The following RAC2 variants were observed in gnomAD, a reference collection of about 807,000 sequenced individuals.
The protein encoded by RAC2 is ras-related C3 botulinum toxin substrate 2.
In RAC2, 1 loss-of-function variant was observed where a neutral mutation model predicts 24.0. The ratio of observed to expected loss-of-function variants is 0.04; its 90% CI spans 0.01 to 0.20. RAC2 has a LOEUF of 0.20. Ranked by LOEUF, RAC2 falls within the 10% of genes least tolerant of loss-of-function variation. The pLI, the probability that RAC2 is intolerant of heterozygous loss-of-function variation, is 1.00. For synonymous variants in RAC2, 114 were observed against 106.8 expected, an observed-to-expected ratio of 1.07 and a Z score of -0.41; for missense variants, 130 against 259.1, an observed-to-expected ratio of 0.50 and a Z score of 3.42.
At chr22:37,240,113 G>C (rs1927343183) in intron 2 of RAC2, among the ~76,000 whole-genome samples, 1 of 152,136 alleles carries the variant, frequency 6.6e-6, no homozygotes, top group Non-Finnish European at 1.5e-5. Flanking sequence ...GAGTGTCCCG[G>C]GGAGAGACAG....
chr22:37,231,142 C>T lies in RAC2; in HGVS notation c.448+89G>A, dbSNP rs1156289603. 4.7e-6 allele frequency: 7 copies of T among 1,499,956 alleles called. No individual in the cohort carries two copies. The highest frequency in any genetic ancestry group is 6.5e-6 in the Non-Finnish European group (7 of 1,082,116). The allele number at this position is 1,499,956 out of a possible 1,614,324, so 92.9% of individuals were successfully genotyped here. On this transcript the variant is annotated intron_variant, in intron 5 of 6. Coordinates refer to ENST00000249071, the MANE Select transcript of RAC2 (RefSeq NM_002872.5). This position sits in a 1 kb window ranked among gnomAD's most constrained non-coding sequence, Gnocchi z 5.5. ...GCTGAGTTCAAACTGCACAGCCTGGCCCTGCAGCCCGTGTTTACAATCACA... is the reference window on the plus strand; with the variant it reads ...GCTGAGTTCAAACTGCACAGCCTGGTCCTGCAGCCCGTGTTTACAATCACA...
Position 37,231,311 on chromosome 22 carries a change from T to C in RAC2, c.368A>G (p.Lys123Arg), listed in dbSNP as rs1259019276. 1 of 1,614,098 alleles carries C rather than the reference T, an allele frequency of 6.2e-7. No homozygotes were observed. Among genetic ancestry groups the C allele is most frequent in the Admixed American group, 1.7e-5 (1 of 60,018 alleles). ...VGTKLDLRDDKDTIEKLKEKK... is the reference protein window; with the variant it reads ...VGTKLDLRDDRDTIEKLKEKK... Reference sequence around the variant, plus strand: ...CTCCTTCAGTTTCTCGATGGTGTCCTTGTCGTCCCGCAGGTCCAGCTTGGT... The same window carrying C: ...CTCCTTCAGTTTCTCGATGGTGTCCCTGTCGTCCCGCAGGTCCAGCTTGGT... The change falls in exon 5 of 7, where the codon AAG (lysine) becomes AGG (arginine). Residue 123 changes from lysine to arginine, a missense_variant. Transcript: ENST00000249071. This position sits in a 1 kb window ranked among gnomAD's most constrained non-coding sequence, Gnocchi z 5.5.
Position 37,231,575 on chromosome 22 carries a change from G to A in RAC2, c.289-185C>T, listed in dbSNP as rs188184789. On this transcript the variant is annotated intron_variant, in intron 4 of 6. Coordinates refer to ENST00000249071, the MANE Select transcript of RAC2 (RefSeq NM_002872.5). This position sits in a 1 kb window ranked among gnomAD's most constrained non-coding sequence, Gnocchi z 5.5. ...TGGCACAGGGAGGGGAGGCCACGACGTTGTGCAGGAAGGAGGGGGCGCATG... is the reference window on the plus strand; with the variant it reads ...TGGCACAGGGAGGGGAGGCCACGACATTGTGCAGGAAGGAGGGGGCGCATG... 977 of 625,864 alleles carry A rather than the reference G, an allele frequency of 1.6e-3. 8 individuals are homozygous for A. The highest frequency in any genetic ancestry group is 9.0e-3 in the South Asian group (476 of 53,028). The allele number at this position is 625,864 out of a possible 1,614,324, so 38.8% of individuals were successfully genotyped here.
intron 1 of RAC2, among the ~76,000 whole-genome samples, chr22:37,243,736 GC>G (rs1174906356): frequency 6.6e-6 from 1 of 152,236 alleles, no homozygotes; most frequent in Non-Finnish European, 1.5e-5. Context: ...GCCCAGGTCA[GC>G]CTGGGGACAA....
At position 37,231,555 on chromosome 22, in the gene RAC2, C is replaced by T; in HGVS notation, c.289-165G>A. Reference sequence around the variant, plus strand: ...GAGGAGAGAGAGACGTGAGGTGGCACAGGGAGGGGAGGCCACGACGTTGTG... The same window carrying T: ...GAGGAGAGAGAGACGTGAGGTGGCATAGGGAGGGGAGGCCACGACGTTGTG... On this transcript the variant is annotated intron_variant, in intron 4 of 6. Coordinates refer to ENST00000249071, the MANE Select transcript of RAC2 (RefSeq NM_002872.5). This position sits in a 1 kb window ranked among gnomAD's most constrained non-coding sequence, Gnocchi z 5.5. 1.5e-6 allele frequency: 1 copy of T among 663,540 alleles called. No homozygotes were observed. Among genetic ancestry groups the T allele is most frequent in the South Asian group, 1.8e-5 (1 of 55,268 alleles). The allele number at this position is 663,540 out of a possible 1,614,324, so 41.1% of individuals were successfully genotyped here.
At chr22:37,237,337 C>T (rs531068115) in intron 2 of RAC2, among the ~76,000 whole-genome samples, 2 of 152,120 alleles carry the variant, frequency 1.3e-5, no homozygotes, top group East Asian at 1.9e-4. Context: ...AGGCCCTTAC[C>T]GTGCTATTGG....
At position 37,231,797 on chromosome 22, in the gene RAC2, C is replaced by A; in HGVS notation, c.288+135G>T. The stretch of plus-strand genomic sequence containing the variant: ...TACCCCCTCAAGTCCCTCTGCCAGC[C>A]CTGGTTGGCACTGGGGACCCTCTCT... On this transcript the variant is annotated intron_variant, in intron 4 of 6. Coordinates refer to ENST00000249071, the MANE Select transcript of RAC2 (RefSeq NM_002872.5). This position sits in a 1 kb window ranked among gnomAD's most constrained non-coding sequence, Gnocchi z 5.5. 3.8e-6 allele frequency: 4 copies of A among 1,044,092 alleles called. No individual in the cohort carries two copies. The Admixed American group carries it at 8.3e-5, about 22-fold the overall frequency. 64.7% of individuals were successfully genotyped at this position (1,044,092 alleles called of 1,614,324 possible).
At chr22:37,237,882 G>T (rs1927282277) in intron 2 of RAC2, among the ~76,000 whole-genome samples, 1 of 151,934 alleles carries the variant, frequency 6.6e-6, no homozygotes, top group South Asian at 2.1e-4. Flanking sequence ...CGGGCTGTCG[G>T]GGGGCCTATG....
chr22:37,243,415 G>A (rs987324570), intron 1 of RAC2, among the ~76,000 whole-genome samples: 2 of 151,900 alleles, frequency 1.3e-5, no homozygotes, highest in African/African-American at 4.8e-5. Flanking sequence ...CTCCCCTGCC[G>A]ACCCCACAAT....
At chr22:37,226,826 G>A (rs1182738704) in intron 5 of RAC2, 23 bp from the exon 6 acceptor site, 3 of 1,608,876 alleles carry the variant, frequency 1.9e-6, no homozygotes, top group African/African-American at 1.4e-5. Context: ...ATGGACAGGA[G>A]AGCCAAGGCC....
At chr22:37,230,433 C>T (rs1927023319) in intron 5 of RAC2, among the ~76,000 whole-genome samples, 1 of 151,982 alleles carries the variant, frequency 6.6e-6, no homozygotes, top group East Asian at 1.9e-4. Flanking sequence ...GCTACAGACA[C>T]ATTGGGACCT....
Position 37,231,090 on chromosome 22 carries a change from A to C in RAC2, c.448+141T>G. On this transcript the variant is annotated intron_variant, in intron 5 of 6. Coordinates refer to ENST00000249071, the MANE Select transcript of RAC2 (RefSeq NM_002872.5). This position sits in a 1 kb window ranked among gnomAD's most constrained non-coding sequence, Gnocchi z 5.5. The stretch of plus-strand genomic sequence containing the variant: ...CAGAGAGAGGCTACGTGACTCGCCC[A>C]AGGTCACACAGCAAGTGCACAGCAC... 1 of 1,028,432 alleles carries C rather than the reference A, an allele frequency of 9.7e-7. No individual in the cohort carries two copies. The highest frequency in any genetic ancestry group is 1.5e-6 in the Non-Finnish European group (1 of 675,484). 63.7% of individuals were successfully genotyped at this position (1,028,432 alleles called of 1,614,324 possible). A position where few individuals can be genotyped will look rare whatever the true frequency, so the allele number is the denominator to read the frequency against.
Position 37,231,087 on chromosome 22 carries a change from C to T in RAC2, c.448+144G>A. 1 of 1,004,218 alleles carries T rather than the reference C, an allele frequency of 1.0e-6. No individual in the cohort carries two copies. The highest frequency in any genetic ancestry group is 1.5e-6 in the Non-Finnish European group (1 of 656,562). The allele number at this position is 1,004,218 out of a possible 1,614,324, so 62.2% of individuals were successfully genotyped here. A position where few individuals can be genotyped will look rare whatever the true frequency, so the allele number is the denominator to read the frequency against. On this transcript the variant is annotated intron_variant, in intron 5 of 6. Coordinates refer to ENST00000249071, the MANE Select transcript of RAC2 (RefSeq NM_002872.5). The surrounding 1 kb of genome is among the most constrained non-coding windows in gnomAD (Gnocchi z 5.5). ...AGGCAGAGAGAGGCTACGTGACTCGCCCAAGGTCACACAGCAAGTGCACAG... is the reference window on the plus strand; with the variant it reads ...AGGCAGAGAGAGGCTACGTGACTCGTCCAAGGTCACACAGCAAGTGCACAG...
chr22:37,236,730 T>A (rs13058338), intron 2 of RAC2, among the ~76,000 whole-genome samples: 30,511 of 151,916 alleles, frequency 0.2, 3,350 homozygotes, highest in Non-Finnish European at 0.25. Context: ...GGAAGGATGG[T>A]GCATTCAAGG....
intron 5 of RAC2, among the ~76,000 whole-genome samples, chr22:37,227,381 C>T (rs375523224): frequency 1.3e-4 from 4 of 30,312 alleles, no homozygotes; most frequent in African/African-American, 3.2e-4. Flanking sequence ...CACCCTCCCA[C>T]GCCATACACC....
rs528391347 is a variant in RAC2, at chr22:37,239,553, C to T, written c.107+2034G>A. ...CTCCAGGCTGCTGAGAGCACCTGGC[C>T]ATAACCTGGCCTCAGCAGCCTCAGC... On this transcript the variant is annotated intron_variant, in intron 2 of 6. Coordinates refer to ENST00000249071, the MANE Select transcript of RAC2 (RefSeq NM_002872.5). 6.6e-5 allele frequency among the ~76,000 whole-genome samples: 10 copies of T among 152,312 alleles called. No individual in the cohort carries two copies. The South Asian group carries it at 1.4e-3, about 22-fold the overall frequency.
chr22:37,232,544 A>T lies in RAC2; in HGVS notation c.225+257T>A. ...CAGAATCCACCTGCCCCACCACTGG[A>T]AACAGGGGGTGCCAGAGCCCAGGAG... is the stretch of plus-strand genomic sequence containing the variant. On this transcript the variant is annotated intron_variant, in intron 3 of 6. Coordinates refer to ENST00000249071, the MANE Select transcript of RAC2 (RefSeq NM_002872.5). 5.6e-6 allele frequency: 3 copies of T among 531,330 alleles called. No individual in the cohort carries two copies. In the South Asian group the frequency reaches 6.0e-5, roughly 11 times the overall value. The allele number at this position is 531,330 out of a possible 1,614,324, so 32.9% of individuals were successfully genotyped here.
chr22:37,234,879 C>G lies in RAC2; in HGVS notation c.108-1961G>C, dbSNP rs1927176467. 2.0e-5 allele frequency among the ~76,000 whole-genome samples: 3 copies of G among 152,368 alleles called. No homozygotes were observed. In the South Asian group the frequency reaches 6.2e-4, roughly 32 times the overall value. Reference sequence around the variant, plus strand: ...TTCATGCTTCAAAACCCTGCCCAGACAAGTCCTCCTCTCTGGCGGAGCTTC... The same window carrying G: ...TTCATGCTTCAAAACCCTGCCCAGAGAAGTCCTCCTCTCTGGCGGAGCTTC... On this transcript the variant is annotated intron_variant, in intron 2 of 6. Coordinates refer to ENST00000249071, the MANE Select transcript of RAC2 (RefSeq NM_002872.5).
chr22:37,231,204 T>TC lies in RAC2; in HGVS notation c.448+26dup. On this transcript the variant is annotated intron_variant, in intron 5 of 6. Transcript: ENST00000249071. The surrounding 1 kb of genome is among the most constrained non-coding windows in gnomAD (Gnocchi z 5.5). Reference sequence around the variant, plus strand: ...AGTCAGGGCCTCCCCTGCAGCCAGATCGCCCCTCTGAGCCCGAGGCCCATA... The same window carrying TC: ...AGTCAGGGCCTCCCCTGCAGCCAGATCCGCCCCTCTGAGCCCGAGGCCCATA... 1 of 1,612,164 alleles carries TC rather than the reference T, an allele frequency of 6.2e-7. No homozygotes were observed. The highest frequency in any genetic ancestry group is 8.5e-7 in the Non-Finnish European group (1 of 1,179,852).
Sources: allele counts gnomAD v4.1 joint callset (sites outside exome capture counted in the v4.1 genomes callset), GRCh38; gene constraint gnomAD v4.1.1; non-coding constraint Gnocchi (gnomAD v3.1); transcripts MANE v1.5; gene names NCBI Gene and HGNC (gene_info 2026-07-23, HGNC 2026-07-21).